Variants in DSCAM observed in about 807,000 individuals in gnomAD.
DSCAM encodes cell adhesion molecule DSCAM.
A neutral mutation model predicts 217.7 loss-of-function variants in DSCAM; 47 were observed. The observed-to-expected ratio is 0.22, with a 90% CI of 0.17 to 0.28. The LOEUF (loss-of-function observed/expected upper bound fraction) is 0.28, where lower values mean the gene tolerates loss of function less well. Ranked by LOEUF, DSCAM falls within the 10% of genes least tolerant of loss-of-function variation. The pLI, the probability that DSCAM is intolerant of heterozygous loss-of-function variation, is 1.00. For synonymous variants in DSCAM, 1,056 were observed against 1,015.3 expected, an observed-to-expected ratio of 1.04 and a Z score of -0.76; for missense variants, 2,080 against 2,618.3, an observed-to-expected ratio of 0.79 and a Z score of 4.49.
At chr21:40,638,882 G>T (rs1601813372) in intron 3 of DSCAM, among the ~76,000 whole-genome samples, 1 of 146,422 alleles carries the variant, frequency 6.8e-6, no homozygotes, top group Non-Finnish European at 1.5e-5. Flanking sequence ...ATGAATGTTG[G>T]GTATTTTTAA....
At chr21:40,803,246 T>A (rs2091757939) in intron 1 of DSCAM, among the ~76,000 whole-genome samples, 1 of 152,236 alleles carries the variant, frequency 6.6e-6, no homozygotes, top group Non-Finnish European at 1.5e-5. Context: ...ATGTGATCAC[T>A]GGCTTTTGCT....
At chr21:40,410,323 AG>A (rs1326120416) in intron 3 of DSCAM, among the ~76,000 whole-genome samples, 1 of 152,114 alleles carries the variant, frequency 6.6e-6, no homozygotes, top group Non-Finnish European at 1.5e-5. Context: ...GGATAGAAAA[AG>A]AACCAGATAA....
chr21:40,217,662 G>A lies in DSCAM; in HGVS notation c.2357-28424C>T, dbSNP rs137982720. 1.8e-3 allele frequency among the ~76,000 whole-genome samples: 277 copies of A among 152,116 alleles called. 1 individual carries two copies. Among genetic ancestry groups the A allele is most frequent in the African/African-American group, 6.2e-3 (257 of 41,502 alleles). On this transcript the variant is annotated intron_variant, in intron 11 of 32. Coordinates refer to ENST00000400454, the MANE Select transcript of DSCAM (RefSeq NM_001389.5). Reference sequence around the variant, plus strand: ...TTTTTCTCCACAACCTCTCCAGCATGTGTTATTTTTATACTTTTTAATAAT... The same window carrying A: ...TTTTTCTCCACAACCTCTCCAGCATATGTTATTTTTATACTTTTTAATAAT...
chr21:40,512,036 G>A (rs2076263196), intron 3 of DSCAM, among the ~76,000 whole-genome samples: 2 of 148,894 alleles, frequency 1.3e-5, no homozygotes, highest in Admixed American at 6.7e-5. Flanking sequence ...TCTTGCTTTT[G>A]GGGGAAACAC....
At chr21:40,152,567 T>G (rs2090434722) in intron 16 of DSCAM, among the ~76,000 whole-genome samples, 1 of 151,504 alleles carries the variant, frequency 6.6e-6, no homozygotes, top group South Asian at 2.1e-4. Context: ...TCCTCCCAGA[T>G]GCCCTTTCTC....
intron 32 of DSCAM, 125 bp from the exon 33 acceptor site, chr21:40,013,511 T>A: frequency 1.6e-6 from 1 of 642,646 alleles, no homozygotes; most frequent in Non-Finnish European, 2.4e-6. Context: ...ACAGGTGCCT[T>A]TCTCAAGATC....
At chr21:40,674,627 T>C (rs927798881) in intron 3 of DSCAM, among the ~76,000 whole-genome samples, 42 of 49,230 alleles carry the variant, frequency 8.5e-4, no homozygotes, top group African/African-American at 2.2e-3. Flanking sequence ...TTTCTTTTTC[T>C]TTTTCTTTTT....
chr21:40,238,002 T>A (rs1237077007), intron 11 of DSCAM, among the ~76,000 whole-genome samples: 1 of 152,176 alleles, frequency 6.6e-6, no homozygotes, highest in Non-Finnish European at 1.5e-5. Context: ...GCTACAGACA[T>A]CCTGGGGAGG....
chr21:40,577,116 T>G (rs1449936318), intron 3 of DSCAM, among the ~76,000 whole-genome samples: 1 of 151,840 alleles, frequency 6.6e-6, no homozygotes, highest in Non-Finnish European at 1.5e-5. Context: ...ATTCATATAT[T>G]ATGAACAAAA....
chr21:40,151,032 C>T (rs1449368493), intron 16 of DSCAM, among the ~76,000 whole-genome samples: 1 of 152,002 alleles, frequency 6.6e-6, no homozygotes, highest in Non-Finnish European at 1.5e-5. Context: ...TCCTAGGAAA[C>T]CACTTTGACC....
intron 11 of DSCAM, 62 bp downstream of exon 11, chr21:40,276,035 A>C: frequency 1.4e-6 from 2 of 1,445,686 alleles, no homozygotes; most frequent in South Asian, 3.2e-5. Flanking sequence ...CAATTGAAAA[A>C]GGAAGCCCCC....
chr21:40,093,976 A>G, intron 20 of DSCAM, 102 bp from the exon 21 acceptor site: 1 of 1,259,870 alleles, frequency 7.9e-7, no homozygotes. Flanking sequence ...CATAACAAAA[A>G]AACTCAACTC....
intron 4 of DSCAM, among the ~76,000 whole-genome samples, chr21:40,368,731 T>A (rs184648955): frequency 2.7e-3 from 407 of 152,352 alleles, no homozygotes; most frequent in Admixed American, 4.4e-3. Flanking sequence ...AATTTTATAT[T>A]CTTCAGCTAC....
intron 3 of DSCAM, among the ~76,000 whole-genome samples, chr21:40,423,429 G>C (rs2075443596): frequency 6.6e-6 from 1 of 152,168 alleles, no homozygotes; most frequent in Admixed American, 6.5e-5. Flanking sequence ...ACCTCCCAAG[G>C]GGAAGGAGGG....
At chr21:40,476,148 T>A (rs190149641) in intron 3 of DSCAM, among the ~76,000 whole-genome samples, 1 of 152,236 alleles carries the variant, frequency 6.6e-6, no homozygotes, top group Admixed American at 6.5e-5. Context: ...AACCACCTCA[T>A]AGAGAAAGGG....
At chr21:40,114,279 C>A (rs1444292782) in intron 20 of DSCAM, among the ~76,000 whole-genome samples, 3 of 147,510 alleles carry the variant, frequency 2.0e-5, no homozygotes, top group Non-Finnish European at 3.0e-5. Context: ...ACTATCTGAT[C>A]TTTGACAAAC....
At chr21:40,259,816 G>A (rs1042887409) in intron 11 of DSCAM, among the ~76,000 whole-genome samples, 3 of 151,634 alleles carry the variant, frequency 2.0e-5, no homozygotes, top group African/African-American at 7.3e-5. Flanking sequence ...TGGGACTACA[G>A]GTGCCCGCCA....
intron 1 of DSCAM, among the ~76,000 whole-genome samples, chr21:40,828,976 G>T (rs1271214740): frequency 6.6e-6 from 1 of 152,184 alleles, no homozygotes; most frequent in African/African-American, 2.4e-5. Context: ...TTACTACAAG[G>T]TCTGCTTCCC....
At chr21:40,349,299 A>ATAACAC (rs1218580019) in intron 5 of DSCAM, among the ~76,000 whole-genome samples, 2 of 151,850 alleles carry the variant, frequency 1.3e-5, no homozygotes, top group East Asian at 3.9e-4. Flanking sequence ...CCCAGGGCCA[A>ATAACAC]TAACACACAA....
Sources: gnomAD v4.1 joint callset for allele counts (sites outside exome capture counted in the v4.1 genomes callset) on GRCh38, gnomAD v4.1.1 for gene constraint, MANE v1.5 for transcripts, NCBI Gene and HGNC (gene_info 2026-07-23, HGNC 2026-07-21) for gene names.